LENG8: variants seen among roughly 807,000 people sequenced by gnomAD.
LENG8 encodes the protein leukocyte receptor cluster member 8, also known as leukocyte receptor cluster (LRC) member 8.
A neutral mutation model predicts 102.1 loss-of-function variants in LENG8; 28 were observed. The observed-to-expected ratio is 0.27, with a 90% CI of 0.20 to 0.38. LENG8 has a LOEUF of 0.38. Among genes scored for constraint, LENG8 ranks in the 10% least tolerant of loss-of-function variants. LENG8 has a pLI of 1.00. For synonymous variants in LENG8, 531 were observed against 456.7 expected (o/e 1.16, Z -2.07); for missense variants, 1,022 against 1,113.9 (o/e 0.92, Z 1.17).
chr19:54,452,895 T>C, intron 4 of LENG8, 143 bp downstream of exon 4: 1 of 650,964 alleles, frequency 1.5e-6, no homozygotes, highest in Non-Finnish European at 2.7e-6. Context: ...CCCTCTAACT[T>C]GCCCAGGAGG....
At chr19:54,455,905 G>A in intron 8 of LENG8, 62 bp from the exon 9 acceptor site, 1 of 1,533,948 alleles carries the variant, frequency 6.5e-7, no homozygotes. Context: ...GAGGGAGGTG[G>A]TGGCGGCTGT....
chr19:54,453,911 C>T (rs1156938895), intron 5 of LENG8, among the ~76,000 whole-genome samples: 3 of 152,206 alleles, frequency 2.0e-5, no homozygotes, highest in African/African-American at 7.2e-5. Flanking sequence ...GGCGTGCACA[C>T]ACCGGCTGGG....
intron 15 of LENG8, chr19:54,459,880 G>T: frequency 1.7e-6 from 2 of 1,170,354 alleles, no homozygotes; most frequent in Non-Finnish European, 2.2e-6. Flanking sequence ...GCCATGATGG[G>T]CCCCATGAAT....
At chr19:54,454,339 T>C in intron 5 of LENG8, 91 bp from the exon 6 acceptor site, 1 of 1,336,648 alleles carries the variant, frequency 7.5e-7, no homozygotes, top group East Asian at 2.3e-5. Context: ...TGCTGAGTGC[T>C]GTGACCACTG....
chr19:54,452,970 C>T (rs1173864842), intron 4 of LENG8, among the ~76,000 whole-genome samples: 2 of 152,188 alleles, frequency 1.3e-5, no homozygotes, highest in African/African-American at 4.8e-5. Flanking sequence ...CCCTTCTCTC[C>T]TCATGCTCAT....
chr19:54,451,300 A>G lies in LENG8; in HGVS notation c.-45A>G. 2 of 1,607,782 alleles carry G rather than the reference A, an allele frequency of 1.2e-6. No homozygotes were observed. The highest frequency in any genetic ancestry group is 1.7e-6 in the Non-Finnish European group (2 of 1,174,270). ...TTCTTTTTCTCATAGACAGTGAAAA[A>G]GCAGTCTGGCTCCCGAGGTCCACCC... On this transcript the variant is annotated 5_prime_UTR_variant, in exon 2 of 16. Coordinates refer to ENST00000326764, the MANE Select transcript of LENG8 (RefSeq NM_052925.4).
Position 54,458,484 on chromosome 19 carries a change from C to A in LENG8, c.2203C>A (p.Arg735=), listed in dbSNP as rs138402164. 2.5e-6 allele frequency: 4 copies of A among 1,614,146 alleles called. No homozygotes were observed. The South Asian group carries it at 3.3e-5, about 13-fold the overall frequency. Residue 735 remains arginine (R), a synonymous_variant, in exon 15 of 16, where the codon CGG becomes AGG. Coordinates refer to ENST00000326764, the MANE Select transcript of LENG8 (RefSeq NM_052925.4). Reference sequence around the variant, plus strand: ...CTACCTCGTGGACAAGTTTGCAGATCGGGAGCGCAAGGTCGCCCTCAAGGC... The same window carrying A: ...CTACCTCGTGGACAAGTTTGCAGATAGGGAGCGCAAGGTCGCCCTCAAGGC... ...SGYLVDKFAD[R]ERKVALKAMI...
At position 54,450,035 on chromosome 19, in the gene LENG8, T is replaced by G. The variant is rs528372010; in HGVS notation, c.-56+725T>G. ...CCTGCGGGATTAATTATCCTACTTA[T>G]CAGTTACTCCCTCTCGGGAGTTTAG... On this transcript the variant is annotated intron_variant, in intron 1 of 15. Transcript: ENST00000326764. Among the ~76,000 whole-genome samples, 8 of 152,314 alleles carry G rather than the reference T, an allele frequency of 5.3e-5. No individual in the cohort carries two copies. The South Asian group carries it at 1.2e-3, about 24-fold the overall frequency.
chr19:54,460,585 A>ACCCCCCCCCGGG (rs60779846), intron 15 of LENG8, 181 bp from the exon 16 acceptor site: 25 of 1,356,378 alleles, frequency 1.8e-5, no homozygotes, highest in Non-Finnish European at 2.3e-5. Context: ...GGGGTCACTA[A>ACCCCCCCCCGGG]CCCCCCCCGG....
In LENG8 at chr19:54,460,651, G is replaced by A. The variant is rs1055878241; in HGVS notation, c.2241-115G>A. ...TGGGAGGCGGGTGGGGAGCCAGCAG[G>A]CACTGTGCTGAGGAAATCCTGTGGG... is the stretch of plus-strand genomic sequence containing the variant. On this transcript the variant is annotated intron_variant, in intron 15 of 15. Transcript: ENST00000326764. 4 of 1,443,790 alleles carry A rather than the reference G, an allele frequency of 2.8e-6. No individual in the cohort carries two copies. In the Middle Eastern group the frequency reaches 7.7e-4, roughly 277 times the overall value. 89.4% of individuals were successfully genotyped at this position (1,443,790 alleles called of 1,614,324 possible).
At chr19:54,460,571 G>A in intron 15 of LENG8, 195 bp from the exon 16 acceptor site, 14 of 1,416,316 alleles carry the variant, frequency 9.9e-6, no homozygotes, top group Non-Finnish European at 1.3e-5. Context: ...GGGCACAGGG[G>A]ACTGGGGTCA....
chr19:54,454,931 A>G lies in LENG8; in HGVS notation c.680-20A>G. Reference sequence around the variant, plus strand: ...ATGTGCCGGGGAAGGGCCTAACCATAGCTTTCGCTGCCCTCACAGCCGCCC... The same window carrying G: ...ATGTGCCGGGGAAGGGCCTAACCATGGCTTTCGCTGCCCTCACAGCCGCCC... On this transcript the variant is annotated intron_variant, in intron 6 of 15. Coordinates refer to ENST00000326764, the MANE Select transcript of LENG8 (RefSeq NM_052925.4). 1 of 1,614,020 alleles carries G rather than the reference A, an allele frequency of 6.2e-7. No homozygotes were observed. The highest frequency in any genetic ancestry group is 8.5e-7 in the Non-Finnish European group (1 of 1,179,944).
chr19:54,455,962 C>T lies in LENG8; in HGVS notation c.1026-5C>T. On this transcript the variant is annotated splice_region_variant and splice_polypyrimidine_tract_variant and intron_variant, in intron 8 of 15. Transcript: ENST00000326764. ...TGGTGACGCCCTGCCCTGCTGTATT[C>T]TCAGGCTGACCCGGGAGCCTGTGGC... The T allele has an allele frequency of 6.2e-7, 1 of 1,610,630 alleles. No homozygotes were observed. Among genetic ancestry groups the T allele is most frequent in the African/African-American group, 1.3e-5 (1 of 74,982 alleles).
At position 54,461,929 on chromosome 19, in the gene LENG8, C is replaced by G; in HGVS notation, c.*1001C>G. ...GCCTCCCCTTCCCCTCCTCTCCCCT[C>G]CTTTTCCTTCCTTCCTTCCTTTCCT... On this transcript the variant is annotated 3_prime_UTR_variant, in exon 16 of 16. Coordinates refer to ENST00000326764, the MANE Select transcript of LENG8 (RefSeq NM_052925.4). The G allele has an allele frequency of 1.1e-6, 1 of 949,064 alleles. No homozygotes were observed. The highest frequency in any genetic ancestry group is 2.4e-5 in the East Asian group (1 of 41,776). The allele number at this position is 949,064 out of a possible 1,614,324, so 58.8% of individuals were successfully genotyped here.
At chr19:54,450,824 T>C (rs1436012964) in intron 1 of LENG8, among the ~76,000 whole-genome samples, 1 of 152,166 alleles carries the variant, frequency 6.6e-6, no homozygotes, top group African/African-American at 2.4e-5. Context: ...TACTCCATGT[T>C]GGTTAGGCTG....
At chr19:54,452,812 G>C (rs1224612868) in intron 4 of LENG8, 60 bp downstream of exon 4, 1 of 1,256,998 alleles carries the variant, frequency 8.0e-7, no homozygotes, top group Non-Finnish European at 1.2e-6. Context: ...GTCGGGGCGA[G>C]GTGAAGTGGA....
At chr19:54,456,600 C>T (rs757860774) in intron 10 of LENG8, 36 bp from the exon 11 acceptor site, 56 of 1,577,602 alleles carry the variant, frequency 3.5e-5, no homozygotes, top group South Asian at 1.2e-4. Flanking sequence ...GGGCTGGAGA[C>T]GCCTGTCGCG....
intron 10 of LENG8, 42 bp downstream of exon 10, chr19:54,456,507 G>C: frequency 6.4e-7 from 1 of 1,567,752 alleles, no homozygotes; most frequent in Non-Finnish European, 8.6e-7. Flanking sequence ...CAGGGTGGAG[G>C]AGGGTACTGG....
intron 7 of LENG8, 42 bp from the exon 8 acceptor site, chr19:54,455,322 T>G: frequency 1.2e-6 from 2 of 1,603,974 alleles, no homozygotes; most frequent in Non-Finnish European, 1.7e-6. Context: ...CTTTTGAGTT[T>G]GGGATCGTCT....
Sources: allele counts gnomAD v4.1 joint callset (sites outside exome capture counted in the v4.1 genomes callset), GRCh38; gene constraint gnomAD v4.1.1; transcripts MANE v1.5; gene names NCBI Gene and HGNC (gene_info 2026-07-23, HGNC 2026-07-21).